Variants in AUH observed in about 807,000 individuals in gnomAD.
AUH encodes the protein methylglutaconyl-CoA hydratase, mitochondrial.
A neutral mutation model predicts 42.3 loss-of-function variants in AUH; 29 were observed. That is an observed-to-expected ratio of 0.69 (90% CI 0.51 to 0.93). AUH has a LOEUF of 0.93. Among genes scored for constraint, AUH ranks in the 40% least tolerant of loss-of-function variants. The pLI is 0.00. For missense variants in AUH, 452 were observed against 438.1 expected, an observed-to-expected ratio of 1.03 and a Z score of -0.28; for synonymous variants, 174 against 166.4, an observed-to-expected ratio of 1.05 and a Z score of -0.35.
intron 7 of AUH, 57 bp from the exon 8 acceptor site, chr9:91,217,384 A>G (rs1826885660): frequency 6.5e-7 from 1 of 1,543,378 alleles, no homozygotes; most frequent in African/African-American, 1.4e-5. Flanking sequence ...ATTATGTCGT[A>G]TATCTCAGTA....
At chr9:91,252,418 C>A (rs1288629591) in intron 6 of AUH, among the ~76,000 whole-genome samples, 4 of 152,262 alleles carry the variant, frequency 2.6e-5, no homozygotes, top group Admixed American at 2.6e-4. Flanking sequence ...GTGCCAGGCC[C>A]TGTCCTAAGA....
chr9:91,218,381 C>T (rs967329431), intron 7 of AUH, among the ~76,000 whole-genome samples: 1 of 152,144 alleles, frequency 6.6e-6, no homozygotes, highest in Non-Finnish European at 1.5e-5. Flanking sequence ...ATAATCAATC[C>T]ATTTTATTAA....
At position 91,347,212 on chromosome 9, in the gene AUH, TTTTGTTTG is replaced by T. The variant is rs145405829; in HGVS notation, c.418+8663_418+8670del. Among the ~76,000 whole-genome samples the T allele has an allele frequency of 6.5e-3, 973 of 150,172 alleles. 6 individuals are homozygous for T. The highest frequency in any genetic ancestry group is 9.4e-3 in the Non-Finnish European group (638 of 67,642). ...GCCACCACACCCAGTTAAGAGGGTT[TTTTGTTTG>T]TTTGTTTGTTTGTTTGTTTGTTTTG... On this transcript the variant is annotated intron_variant, in intron 3 of 9. Transcript: ENST00000375731.
chr9:91,284,505 C>T (rs1826239623), intron 6 of AUH, among the ~76,000 whole-genome samples: 1 of 152,198 alleles, frequency 6.6e-6, no homozygotes. Context: ...GCAAAAGAAA[C>T]TGCCATCAGC....
intron 4 of AUH, among the ~76,000 whole-genome samples, chr9:91,313,960 A>C (rs1378902516): frequency 2.6e-5 from 4 of 151,078 alleles, no homozygotes; most frequent in African/African-American, 9.7e-5. Flanking sequence ...AGTAGCTGGG[A>C]TTACAGGCAC....
At chr9:91,260,216 C>T (rs993253740) in intron 6 of AUH, among the ~76,000 whole-genome samples, 2 of 152,094 alleles carry the variant, frequency 1.3e-5, no homozygotes, top group Non-Finnish European at 2.9e-5. Context: ...TAAACCTATA[C>T]TGTATGTTTA....
At chr9:91,287,775 T>C (rs1221583736) in intron 6 of AUH, among the ~76,000 whole-genome samples, 1 of 152,118 alleles carries the variant, frequency 6.6e-6, no homozygotes, top group Admixed American at 6.6e-5. Flanking sequence ...AGAAATCCAA[T>C]TATGAATCAT....
chr9:91,235,304 G>C (rs568629481), intron 6 of AUH, among the ~76,000 whole-genome samples: 3 of 152,258 alleles, frequency 2.0e-5, no homozygotes, highest in Middle Eastern at 3.4e-3. Flanking sequence ...AAGGTAGGGA[G>C]AGAGATGTGG....
rs538876528 is a variant in AUH, at chr9:91,317,354, T to C, written c.505+7964A>G. 3.9e-5 allele frequency among the ~76,000 whole-genome samples: 6 copies of C among 152,174 alleles called. No homozygotes were observed. In the South Asian group the frequency reaches 1.2e-3, roughly 32 times the overall value. ...CAAGAGGATAATTTGTCTCCATTTA[T>C]TTTTTTAAACATGTTACAATAAAGT... On this transcript the variant is annotated intron_variant, in intron 4 of 9. Transcript: ENST00000375731.
intron 6 of AUH, among the ~76,000 whole-genome samples, chr9:91,230,314 T>C (rs557214292): frequency 2.0e-5 from 3 of 152,368 alleles, no homozygotes; most frequent in Admixed American, 6.5e-5. Flanking sequence ...TCATCTTCCA[T>C]TGCTGATACC....
intron 4 of AUH, among the ~76,000 whole-genome samples, chr9:91,325,088 TAATA>T (rs1373503748): frequency 1.3e-5 from 2 of 152,114 alleles, no homozygotes; most frequent in African/African-American, 2.4e-5. Flanking sequence ...TATTGTTGTC[TAATA>T]AATAAATACC....
intron 3 of AUH, among the ~76,000 whole-genome samples, chr9:91,355,337 A>G (rs1336552303): frequency 6.6e-6 from 1 of 152,180 alleles, no homozygotes; most frequent in African/African-American, 2.4e-5. Context: ...ATGGTGGGTC[A>G]CTTGAGGTCA....
intron 4 of AUH, among the ~76,000 whole-genome samples, chr9:91,307,701 T>C (rs1183282812): frequency 6.6e-6 from 1 of 152,234 alleles, no homozygotes; most frequent in Non-Finnish European, 1.5e-5. Flanking sequence ...CTAGTTATTG[T>C]TGCTAATATC....
chr9:91,221,308 G>A (rs1051805897), intron 6 of AUH, among the ~76,000 whole-genome samples: 10 of 152,200 alleles, frequency 6.6e-5, no homozygotes, highest in Non-Finnish European at 1.3e-4. Context: ...GTGAACAGCA[G>A]TGGATAGGCA....
At chr9:91,332,673 T>C (rs966004440) in intron 3 of AUH, among the ~76,000 whole-genome samples, 1 of 152,098 alleles carries the variant, frequency 6.6e-6, no homozygotes, top group Non-Finnish European at 1.5e-5. Context: ...AACAGACACT[T>C]CAAGGGAAAG....
chr9:91,318,155 A>T (rs1239779025), intron 4 of AUH, among the ~76,000 whole-genome samples: 2 of 152,124 alleles, frequency 1.3e-5, no homozygotes, highest in African/African-American at 2.4e-5. Flanking sequence ...AGATTGTAAG[A>T]ATCTGTTCCT....
At chr9:91,218,024 C>T (rs1043095547) in intron 7 of AUH, among the ~76,000 whole-genome samples, 1 of 152,164 alleles carries the variant, frequency 6.6e-6, no homozygotes, top group Non-Finnish European at 1.5e-5. Context: ...TATTGGATCA[C>T]ATTTTAAAGT....
At chr9:91,280,976 G>A (rs1243394486) in intron 6 of AUH, among the ~76,000 whole-genome samples, 2 of 152,106 alleles carry the variant, frequency 1.3e-5, no homozygotes, top group African/African-American at 2.4e-5. Context: ...ATTTTAGGGA[G>A]TTTATTTATG....
At chr9:91,322,665 G>A (rs1009952184) in intron 4 of AUH, among the ~76,000 whole-genome samples, 2 of 152,076 alleles carry the variant, frequency 1.3e-5, no homozygotes, top group East Asian at 3.8e-4. Context: ...AGAAAAACAT[G>A]GAAAGCTTTT....
Sources: gnomAD v4.1 joint callset for allele counts (sites outside exome capture counted in the v4.1 genomes callset) on GRCh38, gnomAD v4.1.1 for gene constraint, MANE v1.5 for transcripts, NCBI Gene and HGNC (gene_info 2026-07-23, HGNC 2026-07-21) for gene names.